Variants in COL22A1 observed in about 807,000 individuals in gnomAD.
The protein encoded by COL22A1 is collagen alpha-1(XXII) chain.
Under a neutral mutation model 248.9 loss-of-function variants are expected in COL22A1, and 221 were observed. The observed-to-expected ratio is 0.89, with a 90% CI of 0.80 to 0.99. COL22A1 has a LOEUF of 0.99. Ranked by LOEUF, COL22A1 falls within the 50% of genes least tolerant of loss-of-function variation. The probability of loss-of-function intolerance (pLI) is 0.00; values close to 1 mark genes in which losing one functional copy is unlikely to be tolerated. For synonymous variants in COL22A1, 891 were observed against 793.4 expected (o/e 1.12, Z -2.07); for missense variants, 2,240 against 2,179.0 (o/e 1.03, Z -0.56).
chr8:138,861,523 C>T (rs537315425), intron 3 of COL22A1, among the ~76,000 whole-genome samples: 22 of 152,312 alleles, frequency 1.4e-4, no homozygotes, highest in African/African-American at 4.8e-4. Flanking sequence ...CGCGCAGCGC[C>T]GCCTTCTGGG....
At chr8:138,807,873 A>G (rs980331115) in intron 9 of COL22A1, 61 bp from the exon 10 acceptor site, 3 of 1,541,632 alleles carry the variant, frequency 1.9e-6, no homozygotes, top group African/African-American at 2.7e-5. Context: ...TTCTCTCAAC[A>G]CTGGATGGTA....
intron 1 of COL22A1, among the ~76,000 whole-genome samples, chr8:138,883,585 C>A (rs147437382): frequency 6.6e-6 from 1 of 152,196 alleles, no homozygotes; most frequent in Non-Finnish European, 1.5e-5. Flanking sequence ...GGAATCCCCA[C>A]GTGTCGAGGG....
chr8:138,841,642 A>C (rs1180595323), intron 4 of COL22A1, among the ~76,000 whole-genome samples: 1 of 152,210 alleles, frequency 6.6e-6, no homozygotes, highest in Non-Finnish European at 1.5e-5. Context: ...ACTAGATTCT[A>C]GGAGCCAAGG....
In COL22A1 at chr8:138,821,363, C is replaced by T. The variant is rs772325169; in HGVS notation, c.1018G>A (p.Val340Met). Reference sequence around the variant, plus strand: ...CTGACAGCATCTTTCATGGCACCCACAGCGTTGTACTCGACTGCCTTGTTT... The same window carrying T: ...CTGACAGCATCTTTCATGGCACCCATAGCGTTGTACTCGACTGCCTTGTTT... ...GENKAVEYNAVGAMKDAVRVV... is the reference protein window; with the variant it reads ...GENKAVEYNAMGAMKDAVRVV... The change falls in exon 7 of 65, where the codon GTG becomes ATG. Residue 340 changes from valine to methionine, a missense_variant. Physicochemically the swap from Val to Met is conservative, Grantham distance 21 (BLOSUM62 1). Coordinates refer to ENST00000303045, the MANE Select transcript of COL22A1 (RefSeq NM_152888.3). The T allele has an allele frequency of 6.2e-7, 1 of 1,614,156 alleles. No individual in the cohort carries two copies. Among genetic ancestry groups the T allele is most frequent in the South Asian group, 1.1e-5 (1 of 91,066 alleles).
intron 63 of COL22A1, among the ~76,000 whole-genome samples, chr8:138,592,738 TC>T (rs1396091613): frequency 6.0e-4 from 58 of 96,062 alleles, no homozygotes; most frequent in African/African-American, 2.1e-3. Flanking sequence ...TCCTAATCGG[TC>T]GGACAGGAGT....
At chr8:138,863,631 G>A (rs904433240) in intron 3 of COL22A1, among the ~76,000 whole-genome samples, 5 of 152,166 alleles carry the variant, frequency 3.3e-5, no homozygotes, top group South Asian at 2.1e-4. Context: ...GGGTGAGAAC[G>A]CAACGCGGAA....
intron 52 of COL22A1, among the ~76,000 whole-genome samples, chr8:138,619,758 AG>A (rs774769533): frequency 3.2e-4 from 48 of 152,180 alleles, no homozygotes; most frequent in Admixed American, 7.9e-4. Context: ...AATTATGCTT[AG>A]TACCCCCCTT....
At chr8:138,612,304 A>G (rs534674892) in intron 56 of COL22A1, among the ~76,000 whole-genome samples, 20 of 152,288 alleles carry the variant, frequency 1.3e-4, no homozygotes, top group African/African-American at 4.8e-4. Context: ...CTGGGCTTAA[A>G]TGGGATAATT....
intron 43 of COL22A1, among the ~76,000 whole-genome samples, chr8:138,661,091 T>TACACACAC (rs141620549): frequency 4.4e-5 from 3 of 68,360 alleles, no homozygotes; most frequent in South Asian, 3.7e-4. Flanking sequence ...CACACAAACA[T>TACACACAC]ACACACACAC....
intron 34 of COL22A1, 58 bp from the exon 35 acceptor site, chr8:138,693,757 C>T: frequency 6.6e-7 from 1 of 1,516,286 alleles, no homozygotes; most frequent in Non-Finnish European, 9.0e-7. Flanking sequence ...GCTGTTTCCC[C>T]TCACAGCAGG....
At chr8:138,874,140 G>C (rs2132024693) in intron 3 of COL22A1, among the ~76,000 whole-genome samples, 1 of 152,252 alleles carries the variant, frequency 6.6e-6, no homozygotes, top group African/African-American at 2.4e-5. Flanking sequence ...AATTGTAAGG[G>C]GATTTCATTT....
chr8:138,654,339 C>T (rs1452893589), intron 45 of COL22A1, among the ~76,000 whole-genome samples: 1 of 152,152 alleles, frequency 6.6e-6, no homozygotes, highest in Admixed American at 6.5e-5. Flanking sequence ...AACTACCGCA[C>T]TTGTCAACAA....
In COL22A1 at chr8:138,725,120, C is replaced by T. The variant is rs182551650; in HGVS notation, c.2193+267G>A. Among the ~76,000 whole-genome samples, 713 of 152,338 alleles carry T rather than the reference C, an allele frequency of 4.7e-3. 3 individuals are homozygous for T. Among genetic ancestry groups the T allele is most frequent in the Admixed American group, 9.7e-3 (149 of 15,310 alleles). On this transcript the variant is annotated intron_variant, in intron 24 of 64. Coordinates refer to ENST00000303045, the MANE Select transcript of COL22A1 (RefSeq NM_152888.3). Reference sequence around the variant, plus strand: ...CAAAAAGACATCCGAATGGGCAACCCCAGGCTAACATGCCTTCTACATGCT... The same window carrying T: ...CAAAAAGACATCCGAATGGGCAACCTCAGGCTAACATGCCTTCTACATGCT...
chr8:138,684,345 G>C, intron 39 of COL22A1, 80 bp downstream of exon 39: 2 of 887,074 alleles, frequency 2.3e-6, no homozygotes, highest in Non-Finnish European at 3.9e-6. Context: ...GGTAACCGGA[G>C]ATGCTTATAA....
intron 47 of COL22A1, among the ~76,000 whole-genome samples, chr8:138,637,002 G>T (rs568840619): frequency 3.3e-5 from 5 of 152,116 alleles, no homozygotes; most frequent in African/African-American, 7.2e-5. Flanking sequence ...CTGGGATTTG[G>T]GGTATGGGGT....
At chr8:138,643,659 T>TAGAC (rs1171905145) in intron 47 of COL22A1, among the ~76,000 whole-genome samples, 23 of 102,670 alleles carry the variant, frequency 2.2e-4, no homozygotes, top group African/African-American at 6.6e-4. Flanking sequence ...GACAGATAGA[T>TAGAC]AGATAGACAG....
rs190399019 is a variant in COL22A1, at chr8:138,652,325, T to C, written c.3334-2547A>G. On this transcript the variant is annotated intron_variant, in intron 45 of 64. Coordinates refer to ENST00000303045, the MANE Select transcript of COL22A1 (RefSeq NM_152888.3). Reference sequence around the variant, plus strand: ...GTGAAATGGGGATGTCAAAGTCTTATGATAAATGAGACAATTAATGGAAAA... The same window carrying C: ...GTGAAATGGGGATGTCAAAGTCTTACGATAAATGAGACAATTAATGGAAAA... 4.4e-3 allele frequency among the ~76,000 whole-genome samples: 663 copies of C among 152,372 alleles called. 2 individuals carry two copies. Among genetic ancestry groups the C allele is most frequent in the African/African-American group, 0.014 (599 of 41,588 alleles).
chr8:138,814,548 A>T (rs1818517217), intron 7 of COL22A1, among the ~76,000 whole-genome samples: 1 of 152,148 alleles, frequency 6.6e-6, no homozygotes, highest in African/African-American at 2.4e-5. Flanking sequence ...GTGGCTGCAA[A>T]CACTAGCAAG....
At chr8:138,676,237 A>G (rs531324269) in intron 41 of COL22A1, among the ~76,000 whole-genome samples, 1 of 151,968 alleles carries the variant, frequency 6.6e-6, no homozygotes, top group Admixed American at 6.6e-5. Flanking sequence ...TCTACTAAAA[A>G]TACAAAAAAT....
Sources: gnomAD v4.1 joint callset for allele counts (sites outside exome capture counted in the v4.1 genomes callset) on GRCh38, gnomAD v4.1.1 for gene constraint, MANE v1.5 for transcripts, NCBI Gene and HGNC (gene_info 2026-07-23, HGNC 2026-07-21) for gene names.